Variants in RPSA2 observed in about 807,000 individuals in gnomAD.
RPSA2 encodes ribosomal protein SA 2, also known as small ribosomal subunit protein uS2B.
the RPSA2 span, among the ~76,000 whole-genome samples, chr19:23,779,083 C>G: frequency 2.2e-5 from 3 of 138,440 alleles, no homozygotes; most frequent in African/African-American, 2.7e-5. Context: ...TCACTGCAAG[C>G]TCCGCCTCCT....
chr19:23,819,370 TC>T, the RPSA2 span: 1 of 152,318 alleles, frequency 6.6e-6, no homozygotes, highest in African/African-American at 2.4e-5. Context: ...ATGGCCTGGG[TC>T]CTTCTGGCTG....
chr19:23,822,437 G>A, the RPSA2 span, among the ~76,000 whole-genome samples: 1 of 152,044 alleles, frequency 6.6e-6, no homozygotes, highest in Non-Finnish European at 1.5e-5. Context: ...AGGTTGGATT[G>A]TGCATTAGGA....
chr19:23,815,809 T>G, the RPSA2 span, among the ~76,000 whole-genome samples: 1 of 152,296 alleles, frequency 6.6e-6, no homozygotes, highest in Admixed American at 6.5e-5. Context: ...TTGCTTTATA[T>G]ATTTTGGAGA....
At chr19:23,780,310 A>C in the RPSA2 span, among the ~76,000 whole-genome samples, 1 of 152,114 alleles carries the variant, frequency 6.6e-6, no homozygotes, top group African/African-American at 2.4e-5. Flanking sequence ...CCCACCGATG[A>C]GGCCATAATT....
chr19:23,834,842 G>C, the RPSA2 span, among the ~76,000 whole-genome samples: 2 of 151,936 alleles, frequency 1.3e-5, no homozygotes, highest in Admixed American at 1.3e-4. Flanking sequence ...TTTATTGCCA[G>C]TAACTTTAAA....
the RPSA2 span, among the ~76,000 whole-genome samples, chr19:23,834,162 A>G: frequency 5.3e-5 from 8 of 152,174 alleles, no homozygotes; most frequent in East Asian, 1.5e-3. Context: ...AATAATACAA[A>G]ACTATAGATA....
chr19:23,862,855 G>A, the RPSA2 span, among the ~76,000 whole-genome samples: 11 of 149,864 alleles, frequency 7.3e-5, no homozygotes, highest in Non-Finnish European at 1.5e-4. Flanking sequence ...TTAATCTTCA[G>A]GATAATAATT....
the RPSA2 span, among the ~76,000 whole-genome samples, chr19:23,765,387 C>T: frequency 6.6e-6 from 1 of 152,062 alleles, no homozygotes; most frequent in Non-Finnish European, 1.5e-5. Flanking sequence ...ATGGAATCAA[C>T]CTAAATGCCT....
At chr19:23,869,847 C>T in the RPSA2 span, among the ~76,000 whole-genome samples, 149,010 of 152,342 alleles carry the variant, frequency 0.98, 72,969 homozygotes, top group Middle Eastern at 1. Flanking sequence ...GTCTTAATGT[C>T]ACATTTGTAA....
At chr19:23,788,785 G>C in the RPSA2 span, among the ~76,000 whole-genome samples, 1 of 152,122 alleles carries the variant, frequency 6.6e-6, no homozygotes, top group East Asian at 1.9e-4. Flanking sequence ...CCTGGGCCCT[G>C]CCCACAGGTG....
At chr19:23,845,415 C>T in the RPSA2 span, among the ~76,000 whole-genome samples, 2 of 151,662 alleles carry the variant, frequency 1.3e-5, no homozygotes, top group African/African-American at 2.4e-5. Flanking sequence ...CCTCTTAGTA[C>T]TATATTTGAT....
chr19:23,792,962 C>T, the RPSA2 span, among the ~76,000 whole-genome samples: 2 of 152,062 alleles, frequency 1.3e-5, no homozygotes, highest in Admixed American at 6.6e-5. Context: ...ACCCGGACGT[C>T]AGTATGTTCT....
the RPSA2 span, among the ~76,000 whole-genome samples, chr19:23,829,475 AT>A: frequency 6.6e-6 from 1 of 151,996 alleles, no homozygotes; most frequent in South Asian, 2.1e-4. Context: ...CTAATTTTGT[AT>A]TTTTAGTAGA....
chr19:23,804,411 C>T, the RPSA2 span, among the ~76,000 whole-genome samples: 1 of 151,644 alleles, frequency 6.6e-6, no homozygotes, highest in African/African-American at 2.4e-5. Flanking sequence ...ATTCTCCTGC[C>T]TCAGCCTCCT....
chr19:23,826,162 C>A, the RPSA2 span, among the ~76,000 whole-genome samples: 1 of 151,504 alleles, frequency 6.6e-6, no homozygotes, highest in African/African-American at 2.4e-5. Flanking sequence ...TATTAAACAA[C>A]AAGTACTAAT....
the RPSA2 span, among the ~76,000 whole-genome samples, chr19:23,762,084 A>C: frequency 6.6e-6 from 1 of 150,482 alleles, no homozygotes; most frequent in East Asian, 2.0e-4. Context: ...CGCCCGGTTA[A>C]TTTTTGTATT....
the RPSA2 span, among the ~76,000 whole-genome samples, chr19:23,788,419 C>T: frequency 1.3e-5 from 2 of 152,118 alleles, no homozygotes; most frequent in Non-Finnish European, 2.9e-5. Flanking sequence ...ACTGCTTGGA[C>T]TCTGACCAAA....
the RPSA2 span, among the ~76,000 whole-genome samples, chr19:23,760,530 G>A: frequency 6.6e-6 from 1 of 151,804 alleles, no homozygotes; most frequent in African/African-American, 2.4e-5. Flanking sequence ...TTCAGTGTGG[G>A]AGGGCAGTTC....
At chr19:23,859,648 C>T in the RPSA2 span, among the ~76,000 whole-genome samples, 1 of 151,896 alleles carries the variant, frequency 6.6e-6, no homozygotes, top group African/African-American at 2.4e-5. Context: ...AATTGAATTG[C>T]TTAGTCATGT....
Sources: gnomAD v4.1 joint callset for allele counts (sites outside exome capture counted in the v4.1 genomes callset) on GRCh38, gnomAD v4.1.1 for gene constraint, MANE v1.5 for transcripts, NCBI Gene and HGNC (gene_info 2026-07-23, HGNC 2026-07-21) for gene names.